ZNF710: variants seen among roughly 807,000 people sequenced by gnomAD.
The protein encoded by ZNF710 is zinc finger protein 710.
Under a neutral mutation model 50.6 loss-of-function variants are expected in ZNF710, and 13 were observed. The ratio of observed to expected loss-of-function variants is 0.26; its 90% CI spans 0.17 to 0.41. ZNF710 has a LOEUF of 0.41. Among genes scored for constraint, ZNF710 ranks in the 10% least tolerant of loss-of-function variants. The pLI is 1.00. For synonymous variants in ZNF710, 383 were observed against 397.0 expected (o/e 0.96, Z 0.42); for missense variants, 721 against 936.6 (o/e 0.77, Z 3.01).
chr15:90,021,812 G>C (rs994118194), intron 1 of ZNF710, among the ~76,000 whole-genome samples: 2 of 152,174 alleles, frequency 1.3e-5, no homozygotes, highest in Admixed American at 6.5e-5. Context: ...GGGACCAGGC[G>C]TGGTGGCTCA....
intron 1 of ZNF710, among the ~76,000 whole-genome samples, chr15:90,053,063 C>A (rs190053508): frequency 6.6e-6 from 1 of 152,370 alleles, no homozygotes; most frequent in Non-Finnish European, 1.5e-5. Flanking sequence ...GAGGTGGCAA[C>A]CTTTCATTCT....
At chr15:90,074,599 C>G (rs1900529518) in intron 4 of ZNF710, 5 of 1,107,054 alleles carry the variant, frequency 4.5e-6, no homozygotes, top group African/African-American at 1.6e-5. Context: ...GAGGTTGGCT[C>G]TGTCATTGTC....
intron 1 of ZNF710, among the ~76,000 whole-genome samples, chr15:90,004,802 C>T (rs1411219803): frequency 1.3e-5 from 2 of 152,218 alleles, no homozygotes; most frequent in Non-Finnish European, 2.9e-5. Flanking sequence ...CGTGCGCTCA[C>T]GCCGCACACG....
At chr15:90,000,615 G>A (rs1389203391), upstream of ZNF710, among the ~76,000 whole-genome samples, 1 of 152,202 alleles carries the variant, frequency 6.6e-6, no homozygotes, top group African/African-American at 2.4e-5. Context: ...CCAGGGCTCT[G>A]CTAACAGCTG....
rs1196378101 is a variant in ZNF710, at chr15:90,042,110, C to T, written c.-28-25000C>T. Among the ~76,000 whole-genome samples, 3 of 152,098 alleles carry T rather than the reference C, an allele frequency of 2.0e-5. No individual in the cohort carries two copies. In the East Asian group the frequency reaches 5.8e-4, roughly 29 times the overall value. ...ATGGGGTTTCACCATGTGGGCCAGG[C>T]TGGCTTGAACTCCTGACCTCAGGTG... is the stretch of plus-strand genomic sequence containing the variant. On this transcript the variant is annotated intron_variant, in intron 1 of 4. Transcript: ENST00000268154.
chr15:90,037,265 C>G (rs1899156743), intron 1 of ZNF710, among the ~76,000 whole-genome samples: 3 of 152,222 alleles, frequency 2.0e-5, no homozygotes, highest in Admixed American at 1.3e-4. Flanking sequence ...CCTGGTTCTC[C>G]CCTTCCCTTG....
intron 4 of ZNF710, among the ~76,000 whole-genome samples, chr15:90,077,154 G>A (rs1042117840): frequency 6.6e-6 from 1 of 151,812 alleles, no homozygotes; most frequent in African/African-American, 2.4e-5. Flanking sequence ...ACTATTCTCT[G>A]GGGCCCACAG....
At chr15:90,038,118 G>A (rs937502630) in intron 1 of ZNF710, among the ~76,000 whole-genome samples, 12 of 152,178 alleles carry the variant, frequency 7.9e-5, no homozygotes, top group Admixed American at 7.9e-4. Context: ...AGCCTTGCCC[G>A]ATTACCCCAG....
rs1899939827 is a variant in ZNF710 at position 90,059,630 on chromosome 15, C to T, written c.-28-7480C>T. On this transcript the variant is annotated intron_variant, in intron 1 of 4. Transcript: ENST00000268154. This position sits in a 1 kb window ranked among gnomAD's most constrained non-coding sequence, Gnocchi z 4.1. Reference sequence around the variant, plus strand: ...GGAAGAGACTCTCGAACTTCCCCTGCCCCTCCCCCGTGCCGGCGGCAGCTC... The same window carrying T: ...GGAAGAGACTCTCGAACTTCCCCTGTCCCTCCCCCGTGCCGGCGGCAGCTC... Among the ~76,000 whole-genome samples the T allele has an allele frequency of 6.6e-6, 1 of 151,982 alleles. No homozygotes were observed. The highest frequency in any genetic ancestry group is 1.5e-5 in the Non-Finnish European group (1 of 67,970).
chr15:90,060,347 G>T (rs867350230), intron 1 of ZNF710, among the ~76,000 whole-genome samples: 1 of 152,160 alleles, frequency 6.6e-6, no homozygotes, highest in Non-Finnish European at 1.5e-5. Flanking sequence ...GACCCCAGAA[G>T]TTCAAGACCA....
intron 4 of ZNF710, among the ~76,000 whole-genome samples, chr15:90,078,125 C>T (rs1027608176): frequency 4.6e-5 from 7 of 150,562 alleles, no homozygotes; most frequent in Admixed American, 2.7e-4. Context: ...GCAGGAGAAT[C>T]GCTTGACCCC....
chr15:90,067,695 A>G lies in ZNF710; in HGVS notation c.558A>G (p.Pro186=), dbSNP rs1204019377. The change falls in exon 2 of 5, where the codon CCA becomes CCG. Residue 186 remains proline (P), a synonymous_variant. Coordinates refer to ENST00000268154, the MANE Select transcript of ZNF710 (RefSeq NM_198526.4). This position sits in a 1 kb window ranked among gnomAD's most constrained non-coding sequence, Gnocchi z 8.1. ...RTPRPELNVA[P]YDPHFPAPAR... ...CGAGGCCGGAGCTGAACGTGGCCCC[A>G]TATGACCCTCACTTCCCGGCCCCGG... 1.2e-6 allele frequency: 2 copies of G among 1,611,400 alleles called. No homozygotes were observed. Among genetic ancestry groups the G allele is most frequent in the Admixed American group, 1.7e-5 (1 of 59,876 alleles).
Position 90,012,290 on chromosome 15 carries a change from ATTTTTTTTTTT to A in ZNF710, c.-29+10691_-29+10701del, listed in dbSNP as rs1026567607. ...TTCTCTGTGGTTGTTTTGAGTGTGC[ATTTTTTTTTTT>A]TTTTTTTTTTTTTTGTAGTCTTGCT... On this transcript the variant is annotated intron_variant, in intron 1 of 4. Coordinates refer to ENST00000268154, the MANE Select transcript of ZNF710 (RefSeq NM_198526.4). 1.2e-3 allele frequency among the ~76,000 whole-genome samples: 112 copies of A among 94,558 alleles called. 3 individuals are homozygous for A. The South Asian group carries it at 0.036, about 31-fold the overall frequency. The allele number at this position is 94,558 out of a possible 152,430, so 62.0% of individuals were successfully genotyped here.
upstream of ZNF710, among the ~76,000 whole-genome samples, chr15:90,000,370 G>C (rs1285075968): frequency 1.3e-5 from 2 of 152,156 alleles, no homozygotes; most frequent in Non-Finnish European, 2.9e-5. Flanking sequence ...GCCGGAGCTG[G>C]AGGGCGGCGA....
In ZNF710 at chr15:90,057,765, C is replaced by T. The variant is rs566569911; in HGVS notation, c.-28-9345C>T. ...ATCACTTAAGAAGCCTCTAGAAAATCCCATGTCCAGGCCCTGAACCCAGAG... is the reference window on the plus strand; with the variant it reads ...ATCACTTAAGAAGCCTCTAGAAAATTCCATGTCCAGGCCCTGAACCCAGAG... On this transcript the variant is annotated intron_variant, in intron 1 of 4. Coordinates refer to ENST00000268154, the MANE Select transcript of ZNF710 (RefSeq NM_198526.4). Among the ~76,000 whole-genome samples, 10 of 151,290 alleles carry T rather than the reference C, an allele frequency of 6.6e-5. 1 individual carries two copies. The highest frequency in any genetic ancestry group is 2.4e-4 in the African/African-American group (10 of 41,158).
chr15:90,076,787 T>C (rs940035707), intron 4 of ZNF710: 1 of 151,904 alleles, frequency 6.6e-6, no homozygotes, highest in African/African-American at 2.4e-5. Context: ...TTCCAGTTTT[T>C]ACCAGAAATC....
At chr15:90,019,187 C>CTTTTTCTTTTTTTTT (rs1898539482) in intron 1 of ZNF710, among the ~76,000 whole-genome samples, 1 of 89,388 alleles carries the variant, frequency 1.1e-5, no homozygotes, top group African/African-American at 4.5e-5. Context: ...CTTTTTCTTT[C>CTTTTTCTTTTTTTTT]TTTTTTTTTT....
rs1377366506 is a variant in ZNF710 at position 90,074,011 on chromosome 15, A to AC, written c.1651-105_1651-104insC. 1.5e-4 allele frequency: 191 copies of AC among 1,266,370 alleles called. 4 individuals are homozygous for AC. In the African/African-American group the frequency reaches 2.8e-3, roughly 19 times the overall value. 78.4% of individuals were successfully genotyped at this position (1,266,370 alleles called of 1,614,324 possible). On this transcript the variant is annotated intron_variant, in intron 3 of 4. Transcript: ENST00000268154. ...TCTCAAAAAAAAAACAAAAAAAAAAAACAAAAGAATAGGATTCTGGCCCAG... is the reference window on the plus strand; with the variant it reads ...TCTCAAAAAAAAAACAAAAAAAAAAACACAAAAGAATAGGATTCTGGCCCAG...
intron 1 of ZNF710, among the ~76,000 whole-genome samples, chr15:90,064,971 C>T (rs547713996): frequency 2.0e-5 from 3 of 152,142 alleles, no homozygotes; most frequent in East Asian, 1.9e-4. Context: ...AGCTGGCACT[C>T]GAGGTCCTCG....
Sources: allele counts gnomAD v4.1 joint callset (sites outside exome capture counted in the v4.1 genomes callset), GRCh38; gene constraint gnomAD v4.1.1; non-coding constraint Gnocchi (gnomAD v3.1); transcripts MANE v1.5; gene names NCBI Gene and HGNC (gene_info 2026-07-23, HGNC 2026-07-21).